Variants in C11orf16 observed in about 807,000 individuals in gnomAD.
C11orf16 encodes the protein chromosome 11 open reading frame 16.
A neutral mutation model predicts 45.1 loss-of-function variants in C11orf16; 38 were observed. The observed-to-expected ratio is 0.84, with a 90% CI of 0.65 to 1.10. The LOEUF is 1.10. Ranked by LOEUF, C11orf16 falls within the 50% of genes least tolerant of loss-of-function variation. The pLI, the probability that C11orf16 is intolerant of heterozygous loss-of-function variation, is 0.00. For missense variants in C11orf16, 583 were observed against 569.5 expected, an observed-to-expected ratio of 1.02 and a Z score of -0.24; for synonymous variants, 221 against 222.0, an observed-to-expected ratio of 1.00 and a Z score of 0.04.
Position 8,927,082 on chromosome 11 carries a change from T to C in C11orf16, c.417A>G (p.Glu139=), listed in dbSNP as rs1288155100. 1.2e-6 allele frequency: 2 copies of C among 1,614,182 alleles called. No homozygotes were observed. The highest frequency in any genetic ancestry group is 8.5e-7 in the Non-Finnish European group (1 of 1,180,032). The change falls in exon 4 of 7, where the codon GAA becomes GAG. Residue 139 remains glutamate, a synonymous_variant. Coordinates refer to ENST00000326053, the MANE Select transcript of C11orf16 (RefSeq NM_020643.3). ...LPAQQQRVVL[E]EDVIPLSPSV... is the part of the protein sequence containing the mutation. Reference sequence around the variant, plus strand: ...ATGGTGAGAGAGGAATGACATCCTCTTCTAAGACCACTCTCTGCTGCTGGG... The same window carrying C: ...ATGGTGAGAGAGGAATGACATCCTCCTCTAAGACCACTCTCTGCTGCTGGG...
chr11:8,926,112 A>G lies in C11orf16; in HGVS notation c.560-5T>C, dbSNP rs376521034. ...TGATTTCTTTTTCCTTTGATGCTAC[A>G]TAACAAAAAATGGCAACATTTTGTT... On this transcript the variant is annotated splice_region_variant and splice_polypyrimidine_tract_variant and intron_variant, in intron 4 of 6. Coordinates refer to ENST00000326053, the MANE Select transcript of C11orf16 (RefSeq NM_020643.3). 1.2e-5 allele frequency: 18 copies of G among 1,554,832 alleles called. No individual in the cohort carries two copies. The highest frequency in any genetic ancestry group is 8.2e-5 in the Admixed American group (4 of 48,610).
At chr11:8,924,429 G>A (rs1047018224) in intron 5 of C11orf16, among the ~76,000 whole-genome samples, 2 of 152,150 alleles carry the variant, frequency 1.3e-5, no homozygotes, top group Non-Finnish European at 2.9e-5. Flanking sequence ...GGGAGGCTGA[G>A]GCATGAGAAT....
chr11:8,924,571 G>A (rs2064596295), intron 5 of C11orf16, among the ~76,000 whole-genome samples: 1 of 152,120 alleles, frequency 6.6e-6, no homozygotes, highest in African/African-American at 2.4e-5. Context: ...CTCATGGGCT[G>A]AGCAGTCCTT....
At chr11:8,921,627 T>A in intron 5 of C11orf16, 112 bp from the exon 6 acceptor site, 1 of 1,006,258 alleles carries the variant, frequency 9.9e-7, no homozygotes, top group Non-Finnish European at 1.5e-6. Flanking sequence ...TGTTTTCTTT[T>A]CATTTATTAT....
At position 8,927,071 on chromosome 11, in the gene C11orf16, A is replaced by G. The variant is rs1278198859; in HGVS notation, c.428T>C (p.Ile143Thr). The G allele has an allele frequency of 1.2e-6, 2 of 1,613,946 alleles. No homozygotes were observed. Residue 143 changes from isoleucine to threonine, a missense_variant, in exon 4 of 7, where the codon ATT (isoleucine) becomes ACT (threonine). By Grantham distance (89) the Ile-to-Thr change is moderately conservative. Coordinates refer to ENST00000326053, the MANE Select transcript of C11orf16 (RefSeq NM_020643.3). ...GTATCCTACAGATGGTGAGAGAGGA[A>G]TGACATCCTCTTCTAAGACCACTCT... ...QQRVVLEEDV[I>T]PLSPSVGYSL...
At position 8,922,377 on chromosome 11, in the gene C11orf16, A is replaced by G. The variant is rs1003688561; in HGVS notation, c.1205-862T>C. The stretch of plus-strand genomic sequence containing the variant: ...GACATAGTGAGACCCTGTCTCTAAA[A>G]ATAAAAAAAAAATTGGGGCAAAACA... On this transcript the variant is annotated intron_variant, in intron 5 of 6. Coordinates refer to ENST00000326053, the MANE Select transcript of C11orf16 (RefSeq NM_020643.3). Among the ~76,000 whole-genome samples the G allele has an allele frequency of 1.5e-4, 16 of 104,148 alleles. 1 individual carries two copies. The highest frequency in any genetic ancestry group is 4.5e-4 in the African/African-American group (16 of 35,898). The allele number at this position is 104,148 out of a possible 152,430, so 68.3% of individuals were successfully genotyped here.
intron 4 of C11orf16, 78 bp from the exon 5 acceptor site, chr11:8,926,185 C>CTTTTTTTTTTTT (rs59858402): frequency 1.1e-4 from 97 of 888,922 alleles, no homozygotes; most frequent in African/African-American, 3.6e-4. Flanking sequence ...TTTTTCTTTT[C>CTTTTTTTTTTTT]TTTTTTTTTT....
rs11308433 is a variant in C11orf16 at position 8,921,660 on chromosome 11, AT to A, written c.1205-146del. 7,038 of 819,614 alleles carry A rather than the reference AT, an allele frequency of 8.6e-3. 359 individuals are homozygous for A. The African/African-American group carries it at 0.11, about 12-fold the overall frequency. 50.8% of individuals were successfully genotyped at this position (819,614 alleles called of 1,614,324 possible). The stretch of plus-strand genomic sequence containing the variant: ...TATGTATTTGAGACAGGGTCTTGCT[AT>A]TATCACCCAGGCTGGAATGCAGTGG... On this transcript the variant is annotated intron_variant, in intron 5 of 6. Coordinates refer to ENST00000326053, the MANE Select transcript of C11orf16 (RefSeq NM_020643.3).
Position 8,920,287 on chromosome 11 carries a change from G to A in C11orf16, c.*186C>T, listed in dbSNP as rs993473259. 1 of 491,326 alleles carries A rather than the reference G, an allele frequency of 2.0e-6. No homozygotes were observed. Among genetic ancestry groups the A allele is most frequent in the African/African-American group, 2.0e-5 (1 of 49,640 alleles). 30.4% of individuals were successfully genotyped at this position (491,326 alleles called of 1,614,324 possible). On this transcript the variant is annotated 3_prime_UTR_variant, in exon 7 of 7. Coordinates refer to ENST00000326053, the MANE Select transcript of C11orf16 (RefSeq NM_020643.3). ...CACATTCCTATAGCCCTCACAACAGGTGCCTTCCTGCTGCTTATCTGCAGG... is the reference window on the plus strand; with the variant it reads ...CACATTCCTATAGCCCTCACAACAGATGCCTTCCTGCTGCTTATCTGCAGG...
chr11:8,927,273 C>T (rs1007847033), intron 3 of C11orf16, 99 bp from the exon 4 acceptor site: 24 of 899,710 alleles, frequency 2.7e-5, no homozygotes, highest in Non-Finnish European at 3.7e-5. Flanking sequence ...GGCCCAGGGG[C>T]TGCCTTCCAA....
intron 2 of C11orf16, among the ~76,000 whole-genome samples, chr11:8,929,921 C>T (rs553109111): frequency 6.7e-6 from 1 of 150,020 alleles, no homozygotes; most frequent in South Asian, 2.1e-4. Flanking sequence ...AAATTCAAGA[C>T]CAGCCTGGGC....
At position 8,927,170 on chromosome 11, in the gene C11orf16, T is replaced by G; in HGVS notation, c.329A>C (p.Glu110Ala). The G allele has an allele frequency of 6.2e-7, 1 of 1,612,716 alleles. No individual in the cohort carries two copies. ...RAQIKATPEL[E>A]RQGVLLVEFE... ...TTCCACAAGCAGGACCCCCTGTCTC[T>G]CCAGCTGTGGGAAAGAAAACACTCA... Residue 110 changes from glutamate to alanine, a missense_variant, in exon 4 of 7, where the codon GAG (glutamate) becomes GCG (alanine). By Grantham distance (107) the Glu-to-Ala change is moderately radical. Transcript: ENST00000326053.
intron 2 of C11orf16, among the ~76,000 whole-genome samples, chr11:8,931,794 G>A (rs1046890895): frequency 2.0e-5 from 3 of 152,136 alleles, no homozygotes; most frequent in African/African-American, 7.2e-5. Context: ...CCAAAGTGCT[G>A]GGATTGTATA....
intron 3 of C11orf16, chr11:8,927,568 TC>T (rs1297093105): frequency 6.3e-5 from 29 of 457,680 alleles, no homozygotes; most frequent in Non-Finnish European, 1.1e-4. Flanking sequence ...GAAGCGTCGC[TC>T]CTGTGTCCAA....
Position 8,930,502 on chromosome 11 carries a change from T to A in C11orf16, c.168-969A>T, listed in dbSNP as rs1221292901. Among the ~76,000 whole-genome samples the A allele has an allele frequency of 5.7e-5, 8 of 139,506 alleles. No individual in the cohort carries two copies. In the East Asian group the frequency reaches 1.7e-3, roughly 30 times the overall value. The allele number at this position is 139,506 out of a possible 152,430, so 91.5% of individuals were successfully genotyped here. On this transcript the variant is annotated intron_variant, in intron 2 of 6. Coordinates refer to ENST00000326053, the MANE Select transcript of C11orf16 (RefSeq NM_020643.3). ...GCGTGTGGGATTCCAGGATGAGGCGTGGAAGCTTGGATAGTAATGCCGAGG... is the reference window on the plus strand; with the variant it reads ...GCGTGTGGGATTCCAGGATGAGGCGAGGAAGCTTGGATAGTAATGCCGAGG...
chr11:8,926,171 T>G, intron 4 of C11orf16, 64 bp from the exon 5 acceptor site: 3 of 1,363,510 alleles, frequency 2.2e-6, no homozygotes, highest in Non-Finnish European at 2.9e-6. Context: ...TTTTCTTTTT[T>G]CTTTTTTTCT....
Position 8,925,756 on chromosome 11 carries a change from C to T in C11orf16, c.911G>A (p.Arg304Lys), listed in dbSNP as rs756634339. The T allele has an allele frequency of 1.2e-6, 2 of 1,614,246 alleles. No individual in the cohort carries two copies. Among genetic ancestry groups the T allele is most frequent in the East Asian group, 2.2e-5 (1 of 44,886 alleles). ...TGTGGGCTCCAACTCTGGAAGTTCT[C>T]TGGCCATGACTTCTGAGGTCCTGGT... ...PLTRTSEVMA[R>K]ELPELEPTAQ... The change falls in exon 5 of 7, where the codon AGA becomes AAA. Residue 304 changes from arginine (R) to lysine (K), a missense_variant. Transcript: ENST00000326053.
chr11:8,923,956 A>G (rs1174059636), intron 5 of C11orf16, among the ~76,000 whole-genome samples: 1 of 149,128 alleles, frequency 6.7e-6, no homozygotes, highest in Non-Finnish European at 1.5e-5. Flanking sequence ...GCAAGATTGG[A>G]GTAACCCATT....
In C11orf16 at chr11:8,925,966, G is replaced by A; in HGVS notation, c.701C>T (p.Pro234Leu). The change falls in exon 5 of 7, where the codon CCC becomes CTC. Residue 234 changes from proline (P) to leucine (L), a missense_variant. Pro to Leu is a moderately conservative substitution (Grantham distance 98). Coordinates refer to ENST00000326053, the MANE Select transcript of C11orf16 (RefSeq NM_020643.3). Reference sequence around the variant, plus strand: ...GCAAGGGGCCCAGTGAAGGGGCCTGGGGTGCTCCCTGGTGAAAGACTTGTG... The same window carrying A: ...GCAAGGGGCCCAGTGAAGGGGCCTGAGGTGCTCCCTGGTGAAAGACTTGTG... ...RLHKSFTREH[P>L]RPLHWAPCCS... 2 of 1,614,068 alleles carry A rather than the reference G, an allele frequency of 1.2e-6. No individual in the cohort carries two copies. The highest frequency in any genetic ancestry group is 1.7e-6 in the Non-Finnish European group (2 of 1,180,012).
Sources: gnomAD v4.1 joint callset for allele counts (sites outside exome capture counted in the v4.1 genomes callset) on GRCh38, gnomAD v4.1.1 for gene constraint, MANE v1.5 for transcripts, NCBI Gene and HGNC (gene_info 2026-07-23, HGNC 2026-07-21) for gene names.